Variants in TRIM37 observed in about 807,000 individuals in gnomAD.
The protein encoded by TRIM37 is E3 ubiquitin-protein ligase TRIM37.
Under a neutral mutation model 129.8 loss-of-function variants are expected in TRIM37, and 80 were observed. That is an observed-to-expected ratio of 0.62 (90% confidence interval 0.51 to 0.74). The LOEUF (loss-of-function observed/expected upper bound fraction) is 0.74. Among genes scored for constraint, TRIM37 ranks in the 30% least tolerant of loss-of-function variants. The pLI is 0.00. For synonymous variants in TRIM37, 389 were observed against 387.1 expected (o/e 1.00, Z -0.06); for missense variants, 1,054 against 1,176.5 (o/e 0.90, Z 1.52).
rs546925302 is a variant in TRIM37, at chr17:59,036,279, G to A, written c.1754-4189C>T. ...GTTGGGCGTGGTAGCATCTGCAGACGTCTTCTTATGAGAACTGCTTTTAGT... is the reference window on the plus strand; with the variant it reads ...GTTGGGCGTGGTAGCATCTGCAGACATCTTCTTATGAGAACTGCTTTTAGT... On this transcript the variant is annotated intron_variant, in intron 17 of 23. Coordinates refer to ENST00000262294, the MANE Select transcript of TRIM37 (RefSeq NM_015294.6). Among the ~76,000 whole-genome samples the A allele has an allele frequency of 7.9e-5, 12 of 152,158 alleles. No individual in the cohort carries two copies. In the South Asian group the frequency reaches 2.1e-3, roughly 26 times the overall value.
intron 24 of TRIM37, among the ~76,000 whole-genome samples, chr17:58,991,120 A>T (rs978661059): frequency 1.3e-5 from 2 of 149,052 alleles, no homozygotes; most frequent in African/African-American, 4.9e-5. Flanking sequence ...GGTTGCAGTG[A>T]GCTGAGATCG....
intron 15 of TRIM37, 60 bp downstream of exon 15, chr17:59,049,118 C>G (rs1274934587): frequency 2.2e-6 from 3 of 1,372,158 alleles, no homozygotes; most frequent in Non-Finnish European, 3.1e-6. Flanking sequence ...TGTTAAAAGC[C>G]ATGATGCTAC....
chr17:59,012,875 CA>C (rs71367654), intron 21 of TRIM37, among the ~76,000 whole-genome samples: 68 of 129,658 alleles, frequency 5.2e-4, no homozygotes, highest in East Asian at 1.6e-3. Context: ...GACTCTGTCT[CA>C]AAAAAAAAAA....
intron 2 of TRIM37, among the ~76,000 whole-genome samples, 192 bp from the exon 3 acceptor site, chr17:59,091,532 T>G (rs1316786330): frequency 1.0e-5 from 1 of 99,154 alleles, no homozygotes; most frequent in Non-Finnish European, 1.9e-5. Context: ...ATGTATAATG[T>G]ATAATAATGT....
intron 18 of TRIM37, among the ~76,000 whole-genome samples, chr17:59,029,787 AAAAC>A (rs1448704159): frequency 2.0e-5 from 3 of 152,198 alleles, no homozygotes; most frequent in Admixed American, 6.5e-5. Context: ...CTCTGTCTCA[AAAAC>A]AAACAAACAA....
chr17:59,010,942 G>A (rs934659207), intron 22 of TRIM37, among the ~76,000 whole-genome samples: 3 of 152,016 alleles, frequency 2.0e-5, no homozygotes, highest in East Asian at 1.9e-4. Context: ...AGGCTGAGGC[G>A]AGTGGTTCAC....
At chr17:58,970,296 GT>G in the TRIM37 span, among the ~76,000 whole-genome samples, 1 of 151,946 alleles carries the variant, frequency 6.6e-6, no homozygotes, top group Non-Finnish European at 1.5e-5. Flanking sequence ...TCAGACCTAA[GT>G]TTTTTTTACT....
chr17:59,079,127 C>A (rs1200227213), intron 7 of TRIM37, among the ~76,000 whole-genome samples: 1 of 150,224 alleles, frequency 6.7e-6, no homozygotes, highest in Non-Finnish European at 1.5e-5. Flanking sequence ...ATAAAAAATG[C>A]AAAGCTGGTT....
At chr17:59,024,972 G>A (rs2037066741) in intron 19 of TRIM37, among the ~76,000 whole-genome samples, 1 of 152,148 alleles carries the variant, frequency 6.6e-6, no homozygotes, top group Non-Finnish European at 1.5e-5. Flanking sequence ...TAAAACTACA[G>A]TAGTTAAAAA....
At chr17:59,064,257 T>C in intron 10 of TRIM37, 98 bp downstream of exon 10, 1 of 893,488 alleles carries the variant, frequency 1.1e-6, no homozygotes, top group Non-Finnish European at 1.8e-6. Context: ...CTAAAGTGAG[T>C]GACACAGTTC....
At chr17:59,084,488 G>A (rs117923231) in intron 4 of TRIM37, among the ~76,000 whole-genome samples, 3 of 152,120 alleles carry the variant, frequency 2.0e-5, no homozygotes, top group Non-Finnish European at 4.4e-5. Flanking sequence ...TGTGGTCAAC[G>A]ATAACAATAA....
Position 59,106,586 on chromosome 17 carries a change from T to C in TRIM37, c.-125A>G. 1 of 1,172,976 alleles carries C rather than the reference T, an allele frequency of 8.5e-7. No homozygotes were observed. The highest frequency in any genetic ancestry group is 1.2e-6 in the Non-Finnish European group (1 of 806,590). 72.7% of individuals were successfully genotyped at this position (1,172,976 alleles called of 1,614,324 possible). On this transcript the variant is annotated 5_prime_UTR_variant, in exon 1 of 24. Transcript: ENST00000262294. ...GCCCGGCGCCCACGTCAGGGGGCTC[T>C]GACAACCGCCCCACCTGCGCGCCCC... is the stretch of plus-strand genomic sequence containing the variant.
At chr17:59,084,937 T>C (rs139821902) in intron 4 of TRIM37, among the ~76,000 whole-genome samples, 17 of 152,224 alleles carry the variant, frequency 1.1e-4, no homozygotes, top group African/African-American at 3.6e-4. Flanking sequence ...TGTGAGAAAA[T>C]AAATTTCTAT....
At chr17:58,968,396 G>A in the TRIM37 span, among the ~76,000 whole-genome samples, 1 of 152,132 alleles carries the variant, frequency 6.6e-6, no homozygotes, top group East Asian at 1.9e-4. Flanking sequence ...CTGTACCCTA[G>A]CCTGGGTGTC....
chr17:59,059,713 T>C (rs556803792), intron 12 of TRIM37, among the ~76,000 whole-genome samples: 3 of 152,322 alleles, frequency 2.0e-5, no homozygotes, highest in Admixed American at 2.0e-4. Flanking sequence ...TAAATTTTCT[T>C]GAGCTTCCTT....
intron 5 of TRIM37, 141 bp downstream of exon 5, chr17:59,083,861 C>A: frequency 1.4e-6 from 1 of 717,844 alleles, no homozygotes; most frequent in Admixed American, 2.3e-5. Context: ...AAGTACAATA[C>A]CTTTAATAAA....
intron 19 of TRIM37, among the ~76,000 whole-genome samples, chr17:59,019,336 C>T (rs543785399): frequency 1.3e-5 from 2 of 152,228 alleles, no homozygotes; most frequent in South Asian, 4.2e-4. Flanking sequence ...GAATATATGC[C>T]ACAACATGAA....
Position 59,061,016 on chromosome 17 carries a change from T to C in TRIM37, c.1019+16A>G. The C allele has an allele frequency of 1.2e-6, 2 of 1,605,710 alleles. No individual in the cohort carries two copies. The highest frequency in any genetic ancestry group is 1.7e-6 in the Non-Finnish European group (2 of 1,172,660). The stretch of plus-strand genomic sequence containing the variant: ...GTAAATGCACATTAAGGTTGTTATT[T>C]AATTACACTTCTTACTTAGAAGTTT... On this transcript the variant is annotated intron_variant, in intron 12 of 23. Coordinates refer to ENST00000262294, the MANE Select transcript of TRIM37 (RefSeq NM_015294.6).
intron 2 of TRIM37, among the ~76,000 whole-genome samples, chr17:59,103,720 T>C (rs1161905891): frequency 6.7e-6 from 1 of 150,236 alleles, no homozygotes; most frequent in African/African-American, 2.5e-5. Flanking sequence ...CTCTCTCGGC[T>C]CACTGCAACC....
Sources: allele counts gnomAD v4.1 joint callset (sites outside exome capture counted in the v4.1 genomes callset), GRCh38; gene constraint gnomAD v4.1.1; transcripts MANE v1.5; gene names NCBI Gene and HGNC (gene_info 2026-07-23, HGNC 2026-07-21).